The following CTNNA2 variants were observed in gnomAD, a reference collection of about 807,000 sequenced individuals.
CTNNA2 encodes the protein catenin alpha-2.
CTNNA2 carries 42 observed loss-of-function variants against 101.0 expected under a neutral mutation model. The ratio of observed to expected loss-of-function variants is 0.42; its 90% CI spans 0.32 to 0.54. CTNNA2 has a LOEUF of 0.54. Ranked by LOEUF, CTNNA2 falls within the 20% of genes least tolerant of loss-of-function variation. The pLI is 0.14. For missense variants in CTNNA2, 871 were observed against 1,223.1 expected, an observed-to-expected ratio of 0.71 and a Z score of 4.29; for synonymous variants, 450 against 456.4, an observed-to-expected ratio of 0.99 and a Z score of 0.18.
intron 8 of CTNNA2, among the ~76,000 whole-genome samples, chr2:80,409,247 A>G (rs72914915): frequency 0.043 from 6,569 of 152,150 alleles, 498 homozygotes; most frequent in African/African-American, 0.15. Flanking sequence ...AATAGAAAGA[A>G]TGCCTGTTCT....
intron 7 of CTNNA2, among the ~76,000 whole-genome samples, chr2:79,982,277 A>C (rs1382579201): frequency 3.0e-5 from 4 of 133,588 alleles, no homozygotes; most frequent in African/African-American, 9.4e-5. Flanking sequence ...ACATATATAT[A>C]ATATATATAA....
At chr2:79,755,415 G>A (rs1351389695) in intron 3 of CTNNA2, among the ~76,000 whole-genome samples, 1 of 152,184 alleles carries the variant, frequency 6.6e-6, no homozygotes. Context: ...TGTCGTTCTT[G>A]AGTCTATGAG....
At chr2:80,135,714 A>C in intron 7 of CTNNA2, among the ~76,000 whole-genome samples, 1 of 152,174 alleles carries the variant, frequency 6.6e-6, no homozygotes, top group East Asian at 1.9e-4. Context: ...CCTGTTCTTC[A>C]GGAATTTACA....
chr2:80,118,790 A>C (rs149776111), intron 7 of CTNNA2, among the ~76,000 whole-genome samples: 5 of 152,236 alleles, frequency 3.3e-5, no homozygotes, highest in African/African-American at 1.2e-4. Context: ...CCCCAGGCAG[A>C]AAGGCCTGTA....
intron 2 of CTNNA2, among the ~76,000 whole-genome samples, chr2:79,729,211 C>T (rs1687053537): frequency 6.6e-6 from 1 of 152,200 alleles, no homozygotes; most frequent in African/African-American, 2.4e-5. Flanking sequence ...TTATTCTGAC[C>T]TCATGTCCGG....
chr2:79,485,030 C>A (rs1671144189), intron 4 of CTNNA2, among the ~76,000 whole-genome samples: 1 of 151,926 alleles, frequency 6.6e-6, no homozygotes, highest in Non-Finnish European at 1.5e-5. Context: ...ACAGATATAC[C>A]ATAGATAGCC....
At chr2:79,953,392 C>A (rs978458599) in intron 7 of CTNNA2, among the ~76,000 whole-genome samples, 1 of 152,206 alleles carries the variant, frequency 6.6e-6, no homozygotes, top group African/African-American at 2.4e-5. Flanking sequence ...GTATGTACGC[C>A]TGAGTTCACA....
At chr2:80,557,530 T>C (rs1693149898) in intron 12 of CTNNA2, among the ~76,000 whole-genome samples, 1 of 152,070 alleles carries the variant, frequency 6.6e-6, no homozygotes, top group Admixed American at 6.6e-5. Flanking sequence ...AGATAAATAA[T>C]ACCAGAGAAG....
At chr2:79,757,942 G>T (rs1280691630) in intron 3 of CTNNA2, among the ~76,000 whole-genome samples, 2 of 152,168 alleles carry the variant, frequency 1.3e-5, no homozygotes, top group Admixed American at 6.5e-5. Context: ...GGTGGACGTT[G>T]TCTTTATTGC....
chr2:79,626,393 G>T (rs1679305951), intron 1 of CTNNA2, among the ~76,000 whole-genome samples: 2 of 152,222 alleles, frequency 1.3e-5, no homozygotes, highest in African/African-American at 2.4e-5. Flanking sequence ...AGTGAGAGGG[G>T]TATGTTTTTG....
intron 4 of CTNNA2, among the ~76,000 whole-genome samples, chr2:79,488,724 T>C (rs1671181590): frequency 6.6e-6 from 1 of 152,190 alleles, no homozygotes; most frequent in Non-Finnish European, 1.5e-5. Context: ...CTTGAAAGTA[T>C]TTTTAATCCT....
At chr2:79,974,452 G>A (rs1050489714) in intron 7 of CTNNA2, among the ~76,000 whole-genome samples, 3 of 152,122 alleles carry the variant, frequency 2.0e-5, no homozygotes, top group Admixed American at 6.5e-5. Flanking sequence ...GGACATTGAC[G>A]TACTTACTTC....
rs544968634 is a variant in CTNNA2 at position 80,470,653 on chromosome 2, C to T, written c.1290+51052C>T. Among the ~76,000 whole-genome samples, 11 of 152,184 alleles carry T rather than the reference C, an allele frequency of 7.2e-5. No individual in the cohort carries two copies. The East Asian group carries it at 7.7e-4, about 11-fold the overall frequency. On this transcript the variant is annotated intron_variant, in intron 9 of 18. Coordinates refer to ENST00000402739, the MANE Select transcript of CTNNA2 (RefSeq NM_001282597.3). ...AAACATTCATTGAATACCTACTGTG[C>T]GCTAGGCTGTGTGTATGGATACTGA...
At chr2:79,318,567 G>A (rs1162238224) in intron 3 of CTNNA2, among the ~76,000 whole-genome samples, 1 of 152,100 alleles carries the variant, frequency 6.6e-6, no homozygotes, top group East Asian at 1.9e-4. Flanking sequence ...TATCATTAAG[G>A]TGCTCACTAT....
At chr2:80,130,598 G>C (rs1702360095) in intron 7 of CTNNA2, among the ~76,000 whole-genome samples, 1 of 152,136 alleles carries the variant, frequency 6.6e-6, no homozygotes, top group Admixed American at 6.6e-5. Flanking sequence ...AAGATTAAAC[G>C]ACAGGGAACA....
At chr2:79,763,881 G>A (rs540413221) in intron 3 of CTNNA2, among the ~76,000 whole-genome samples, 8 of 152,324 alleles carry the variant, frequency 5.3e-5, no homozygotes, top group East Asian at 1.9e-4. Flanking sequence ...TGTTTAATAC[G>A]AAGTTATCAA....
At chr2:80,077,824 A>G (rs1698863046) in intron 7 of CTNNA2, among the ~76,000 whole-genome samples, 1 of 152,198 alleles carries the variant, frequency 6.6e-6, no homozygotes, top group Non-Finnish European at 1.5e-5. Context: ...GAGAGGGCAC[A>G]GGGAGCTTCT....
chr2:80,167,477 TG>T (rs1266751424), intron 7 of CTNNA2, among the ~76,000 whole-genome samples: 2 of 152,200 alleles, frequency 1.3e-5, no homozygotes, highest in Non-Finnish European at 2.9e-5. Flanking sequence ...ATGCAATCTT[TG>T]GTAAAATGGG....
intron 14 of CTNNA2, among the ~76,000 whole-genome samples, chr2:80,587,583 A>G (rs1696086523): frequency 6.6e-6 from 1 of 152,224 alleles, no homozygotes; most frequent in South Asian, 2.1e-4. Context: ...TGTCAGCTAC[A>G]GAGCCCCTGT....
Sources: gnomAD v4.1 joint callset for allele counts (sites outside exome capture counted in the v4.1 genomes callset) on GRCh38, gnomAD v4.1.1 for gene constraint, MANE v1.5 for transcripts, NCBI Gene and HGNC (gene_info 2026-07-23, HGNC 2026-07-21) for gene names.